Variants in IKZF3 observed in about 807,000 individuals in gnomAD.
IKZF3 encodes the protein zinc finger protein Aiolos.
Under a neutral mutation model 49.0 loss-of-function variants are expected in IKZF3, and 10 were observed. The observed-to-expected ratio is 0.20, with a 90% CI of 0.13 to 0.35. The LOEUF is 0.35. Among genes scored for constraint, IKZF3 ranks in the 10% least tolerant of loss-of-function variants. The probability of loss-of-function intolerance (pLI) is 1.00; values close to 1 mark genes in which losing one functional copy is unlikely to be tolerated. For synonymous variants in IKZF3, 209 were observed against 228.2 expected (o/e 0.92, Z 0.76); for missense variants, 498 against 664.8 (o/e 0.75, Z 2.76).
chr17:39,863,968 G>C, intron 1 of IKZF3, 152 bp downstream of exon 1: 1 of 1,016,218 alleles, frequency 9.8e-7, no homozygotes, highest in Non-Finnish European at 1.5e-6. Context: ...TAAGAGAACC[G>C]ACGCGCTTTG....
chr17:39,829,560 C>T (rs1034795815), intron 2 of IKZF3, 72 bp from the exon 3 acceptor site: 1 of 1,030,906 alleles, frequency 9.7e-7, no homozygotes, highest in African/African-American at 1.6e-5. Flanking sequence ...ATTAAGTAGA[C>T]CCCCATTTAA....
intron 2 of IKZF3, 52 bp from the exon 3 acceptor site, chr17:39,829,540 A>G: frequency 7.9e-7 from 1 of 1,273,868 alleles, no homozygotes; most frequent in Non-Finnish European, 1.1e-6. Context: ...AAGGATTTTT[A>G]TAAATATATA....
intron 1 of IKZF3, among the ~76,000 whole-genome samples, chr17:39,863,096 T>C (rs963093548): frequency 1.3e-5 from 2 of 152,180 alleles, no homozygotes; most frequent in African/African-American, 4.8e-5. Context: ...CCCAACTTTT[T>C]TTCCTTGTTA....
chr17:39,845,951 T>A (rs904888718), intron 1 of IKZF3, among the ~76,000 whole-genome samples: 1 of 152,234 alleles, frequency 6.6e-6, no homozygotes. Flanking sequence ...TGAACATACA[T>A]GTATGTATAC....
At chr17:39,790,588 C>T (rs1050670809) in intron 5 of IKZF3, among the ~76,000 whole-genome samples, 2 of 151,886 alleles carry the variant, frequency 1.3e-5, no homozygotes, top group African/African-American at 4.8e-5. Flanking sequence ...TGCCAGATAA[C>T]ATCAAGAACA....
intron 3 of IKZF3, among the ~76,000 whole-genome samples, chr17:39,816,264 T>C (rs1157506200): frequency 1.3e-5 from 2 of 152,254 alleles, no homozygotes; most frequent in East Asian, 3.8e-4. Flanking sequence ...CTGTTAGTGA[T>C]ATATATTTTT....
At chr17:39,767,402 G>A (rs549915354) in intron 7 of IKZF3, among the ~76,000 whole-genome samples, 1 of 152,278 alleles carries the variant, frequency 6.6e-6, no homozygotes, top group South Asian at 2.1e-4. Context: ...AGGCAGGGAT[G>A]GGGACTGCAG....
In IKZF3 at chr17:39,864,208, G is replaced by A; in HGVS notation, c.-82C>T. 1.3e-6 allele frequency: 2 copies of A among 1,511,712 alleles called. No individual in the cohort carries two copies. The highest frequency in any genetic ancestry group is 1.8e-6 in the Non-Finnish European group (2 of 1,115,276). 93.6% of individuals were successfully genotyped at this position (1,511,712 alleles called of 1,614,324 possible). On this transcript the variant is annotated 5_prime_UTR_variant, in exon 1 of 8. Transcript: ENST00000346872. ...TCCTGCCGTCGCCTGGACTCAGCGC[G>A]CAGCTGGCGGGAGATTCCCGGCGCG...
intron 1 of IKZF3, among the ~76,000 whole-genome samples, chr17:39,862,702 G>A (rs9905881): frequency 0.093 from 14,129 of 152,002 alleles, 1,345 homozygotes; most frequent in African/African-American, 0.25. Flanking sequence ...ACTTTAAAAA[G>A]TTATTGATCT....
chr17:39,778,007 G>A (rs1224373652), intron 6 of IKZF3: 8 of 1,182,724 alleles, frequency 6.8e-6, no homozygotes, highest in Non-Finnish European at 8.4e-6. Context: ...TCCCCAACCA[G>A]TACCTTCATT....
Position 39,832,167 on chromosome 17 carries a change from T to C in IKZF3, c.8-16A>G, listed in dbSNP as rs1020917120. The C allele has an allele frequency of 1.9e-6, 3 of 1,590,580 alleles. No individual in the cohort carries two copies. Among genetic ancestry groups the C allele is most frequent in the Non-Finnish European group, 1.7e-6 (2 of 1,159,292 alleles). On this transcript the variant is annotated splice_polypyrimidine_tract_variant and intron_variant, in intron 1 of 7. Coordinates refer to ENST00000346872, the MANE Select transcript of IKZF3 (RefSeq NM_012481.5). Reference sequence around the variant, plus strand: ...GTTTGTATATCTGAAAAGAAAGAGGTTATAAATATTAGCTACTTAGGGTAC... The same window carrying C: ...GTTTGTATATCTGAAAAGAAAGAGGCTATAAATATTAGCTACTTAGGGTAC...
Position 39,761,362 on chromosome 17 carries a change from A to G in IKZF3, c.*4428T>C, listed in dbSNP as rs1440008799. On this transcript the variant is annotated 3_prime_UTR_variant, in exon 8 of 8. Transcript: ENST00000346872. Reference sequence around the variant, plus strand: ...AGTGGTGGGGGCTCACGGGAGAGACACTTCTATTTAGTTTTCTTTCCGTAG... The same window carrying G: ...AGTGGTGGGGGCTCACGGGAGAGACGCTTCTATTTAGTTTTCTTTCCGTAG... 6.6e-6 allele frequency: 1 copy of G among 151,404 alleles called. No individual in the cohort carries two copies. Among genetic ancestry groups the G allele is most frequent in the African/African-American group, 2.4e-5 (1 of 41,128 alleles). The allele number at this position is 151,404 out of a possible 1,614,324, so 9.4% of individuals were successfully genotyped here. A position where few individuals can be genotyped will look rare whatever the true frequency, so the allele number is the denominator to read the frequency against.
At chr17:39,776,964 A>T (rs2060606918) in intron 7 of IKZF3, among the ~76,000 whole-genome samples, 1 of 152,244 alleles carries the variant, frequency 6.6e-6, no homozygotes, top group Admixed American at 6.5e-5. Context: ...ACAAATACAA[A>T]TCTATTTCAA....
At chr17:39,862,712 T>G (rs2063248020) in intron 1 of IKZF3, among the ~76,000 whole-genome samples, 1 of 152,158 alleles carries the variant, frequency 6.6e-6, no homozygotes, top group Non-Finnish European at 1.5e-5. Context: ...GTTATTGATC[T>G]ACATTCTCTT....
chr17:39,771,383 A>G (rs1317973482), intron 7 of IKZF3, among the ~76,000 whole-genome samples: 1 of 152,230 alleles, frequency 6.6e-6, no homozygotes, highest in African/African-American at 2.4e-5. Context: ...GCTTAGCACC[A>G]TGGTTAGGTG....
At chr17:39,855,991 AT>A (rs1358580549) in intron 1 of IKZF3, among the ~76,000 whole-genome samples, 6 of 150,970 alleles carry the variant, frequency 4.0e-5, no homozygotes, top group African/African-American at 1.5e-4. Flanking sequence ...TAACATGTAT[AT>A]TGTATATGTA....
intron 7 of IKZF3, among the ~76,000 whole-genome samples, chr17:39,777,260 A>C (rs1461111474): frequency 6.6e-6 from 1 of 152,244 alleles, no homozygotes; most frequent in African/African-American, 2.4e-5. Context: ...AAAAAGTTTG[A>C]GCATGCTAAC....
chr17:39,780,243 TAA>T (rs398041675), intron 6 of IKZF3, among the ~76,000 whole-genome samples: 118 of 105,704 alleles, frequency 1.1e-3, no homozygotes, highest in African/African-American at 3.2e-3. Flanking sequence ...AGACTCTGTC[TAA>T]AAAAAAAAAA....
Position 39,757,983 on chromosome 17 carries a change from G to C in IKZF3, c.*7807C>G, listed in dbSNP as rs1200818105. 1 of 152,192 alleles carries C rather than the reference G, an allele frequency of 6.6e-6. No homozygotes were observed. Among genetic ancestry groups the C allele is most frequent in the Non-Finnish European group, 1.5e-5 (1 of 68,054 alleles). The allele number at this position is 152,192 out of a possible 1,614,324, so 9.4% of individuals were successfully genotyped here. A position where few individuals can be genotyped will look rare whatever the true frequency, so the allele number is the denominator to read the frequency against. On this transcript the variant is annotated 3_prime_UTR_variant, in exon 8 of 8. Transcript: ENST00000346872. ...GGGCATTTCTGAGAAATGCAGATGA[G>C]AGGAGAGGCTGTGAGCACAGGCTGT...
Sources: gnomAD v4.1 joint callset for allele counts (sites outside exome capture counted in the v4.1 genomes callset) on GRCh38, gnomAD v4.1.1 for gene constraint, MANE v1.5 for transcripts, NCBI Gene and HGNC (gene_info 2026-07-23, HGNC 2026-07-21) for gene names.